KLRG2: variants seen among roughly 807,000 people sequenced by gnomAD.
KLRG2 encodes the protein killer cell lectin like receptor G2, also known as killer cell lectin-like receptor subfamily G member 2.
A neutral mutation model predicts 35.4 loss-of-function variants in KLRG2; 39 were observed. The ratio of observed to expected loss-of-function variants is 1.10; its 90% CI spans 0.85 to 1.44. The LOEUF (loss-of-function observed/expected upper bound fraction) is 1.44, where lower values mean the gene tolerates loss of function less well. Among genes scored for constraint, KLRG2 ranks in the 40% most tolerant of loss-of-function variants. The pLI, the probability that KLRG2 is intolerant of heterozygous loss-of-function variation, is 0.00. For synonymous variants in KLRG2, 283 were observed against 265.8 expected, an observed-to-expected ratio of 1.06 and a Z score of -0.63; for missense variants, 632 against 570.9, an observed-to-expected ratio of 1.11 and a Z score of -1.09.
At chr7:139,454,070 C>A in intron 4 of KLRG2, 41 bp downstream of exon 4, 1 of 1,170,078 alleles carries the variant, frequency 8.5e-7, no homozygotes, top group African/African-American at 1.6e-5. Context: ...AATGGAGGAT[C>A]CAGAACAGCA....
chr7:139,450,424 C>T (rs530849232), downstream of KLRG2, among the ~76,000 whole-genome samples: 18 of 152,128 alleles, frequency 1.2e-4, no homozygotes, highest in Admixed American at 6.6e-4. Flanking sequence ...GGGGTTTCAC[C>T]GTGTTAGCCA....
At chr7:139,475,760 C>T (rs905982403) in intron 3 of KLRG2, among the ~76,000 whole-genome samples, 4 of 152,170 alleles carry the variant, frequency 2.6e-5, no homozygotes, top group East Asian at 3.9e-4. Flanking sequence ...AAAGAGGGAA[C>T]GTGGGAGTCC....
intron 3 of KLRG2, among the ~76,000 whole-genome samples, chr7:139,472,412 G>T: frequency 6.6e-6 from 1 of 151,814 alleles, no homozygotes; most frequent in South Asian, 2.1e-4. Context: ...AATAAAAATA[G>T]AATTTTTTAA....
Position 139,467,025 on chromosome 7 carries a change from T to C in KLRG2, c.1005+12602A>G, listed in dbSNP as rs141145090. On this transcript the variant is annotated intron_variant, in intron 3 of 4. Coordinates refer to ENST00000340940, the MANE Select transcript of KLRG2 (RefSeq NM_198508.4). ...GTCTTCTGTTTAGTCTCTCAACTCA[T>C]ACAAAACTGCATCCAGGCCATCACC... 8.6e-3 allele frequency among the ~76,000 whole-genome samples: 1,302 copies of C among 152,236 alleles called. 12 individuals carry two copies. Among genetic ancestry groups the C allele is most frequent in the Non-Finnish European group, 0.013 (851 of 68,024 alleles).
At chr7:139,449,913 G>A (rs1398039744), downstream of KLRG2, among the ~76,000 whole-genome samples, 2 of 151,274 alleles carry the variant, frequency 1.3e-5, no homozygotes, top group Non-Finnish European at 2.9e-5. Flanking sequence ...CTGTTAGCCA[G>A]GATGGTCTCG....
chr7:139,461,320 AGCCAG>A lies in KLRG2; in HGVS notation c.1006-7111_1006-7107del, dbSNP rs370979807. Among the ~76,000 whole-genome samples the A allele has an allele frequency of 2.7e-3, 409 of 152,278 alleles. 1 individual carries two copies. The highest frequency in any genetic ancestry group is 9.1e-3 in the African/African-American group (379 of 41,560). ...CAGCAGTGTTGGGGTGGGGCTTCTGAGCCAGGCCTTTGGTGCAAATATCTTCTCTG... is the reference window on the plus strand; with the variant it reads ...CAGCAGTGTTGGGGTGGGGCTTCTGAGCCTTTGGTGCAAATATCTTCTCTG... On this transcript the variant is annotated intron_variant, in intron 3 of 4. Transcript: ENST00000340940.
chr7:139,476,043 C>A (rs545705689), intron 3 of KLRG2, among the ~76,000 whole-genome samples: 1 of 151,956 alleles, frequency 6.6e-6, no homozygotes, highest in African/African-American at 2.4e-5. Flanking sequence ...AGTGTTTTTC[C>A]TACACACCAG....
chr7:139,468,892 C>G (rs1796711035), intron 3 of KLRG2, among the ~76,000 whole-genome samples: 1 of 152,130 alleles, frequency 6.6e-6, no homozygotes, highest in Non-Finnish European at 1.5e-5. Flanking sequence ...GGCCCCTAAT[C>G]CAATGTGACT....
rs1796923237 is a variant in KLRG2 at position 139,479,781 on chromosome 7, A to G, written c.860-9T>C. The G allele has an allele frequency of 6.2e-7, 1 of 1,612,518 alleles. No homozygotes were observed. The highest frequency in any genetic ancestry group is 2.2e-5 in the East Asian group (1 of 44,866). ...CTGCTGGCATCTGGCTCCTGCAAGCACAGAGACTGCTGGTGAGCTGCAGGG... is the reference window on the plus strand; with the variant it reads ...CTGCTGGCATCTGGCTCCTGCAAGCGCAGAGACTGCTGGTGAGCTGCAGGG... On this transcript the variant is annotated splice_polypyrimidine_tract_variant and intron_variant, in intron 2 of 4. Transcript: ENST00000340940.
intron 3 of KLRG2, among the ~76,000 whole-genome samples, chr7:139,471,388 G>A (rs1796752668): frequency 6.6e-6 from 1 of 152,156 alleles, no homozygotes; most frequent in Non-Finnish European, 1.5e-5. Context: ...TCGGCTGGGA[G>A]TGGTGGTTCA....
chr7:139,451,218 G>C (rs1385871436), downstream of KLRG2, among the ~76,000 whole-genome samples: 6 of 152,210 alleles, frequency 3.9e-5, no homozygotes, highest in Non-Finnish European at 5.9e-5. Context: ...TTATAAAGCA[G>C]GCCGTGCACC....
At chr7:139,482,342 G>T (rs1382612440) in intron 1 of KLRG2, among the ~76,000 whole-genome samples, 1 of 152,112 alleles carries the variant, frequency 6.6e-6, no homozygotes, top group Non-Finnish European at 1.5e-5. Context: ...TGCTAAGAGG[G>T]AATTTGAAAG....
chr7:139,480,572 A>C (rs1351600297), intron 1 of KLRG2, among the ~76,000 whole-genome samples: 2 of 146,762 alleles, frequency 1.4e-5, no homozygotes, highest in Non-Finnish European at 3.0e-5. Flanking sequence ...CAACCTCCTG[A>C]GTAGCTGGGG....
chr7:139,454,973 T>A lies in KLRG2; in HGVS notation c.1006-759A>T, dbSNP rs192874483. On this transcript the variant is annotated intron_variant, in intron 3 of 4. Coordinates refer to ENST00000340940, the MANE Select transcript of KLRG2 (RefSeq NM_198508.4). ...TTTGCCCTCAATGTCACACTATTTT[T>A]AACAATGAATTAAAGCAAAAAAGAC... Among the ~76,000 whole-genome samples, 1,127 of 151,906 alleles carry A rather than the reference T, an allele frequency of 7.4e-3. 7 individuals are homozygous for A. The highest frequency in any genetic ancestry group is 0.012 in the Non-Finnish European group (808 of 67,942).
At chr7:139,445,797 G>A in the KLRG2 span, among the ~76,000 whole-genome samples, 8,847 of 92,128 alleles carry the variant, frequency 0.096, 1,805 homozygotes, top group African/African-American at 0.41. Flanking sequence ...ATATATGTGT[G>A]TATATATATA....
the KLRG2 span, among the ~76,000 whole-genome samples, chr7:139,444,868 C>A: frequency 1.3e-5 from 2 of 152,122 alleles, no homozygotes; most frequent in Non-Finnish European, 2.9e-5. Flanking sequence ...ATGCAGACAG[C>A]AGTAAAACCA....
the KLRG2 span, among the ~76,000 whole-genome samples, chr7:139,437,425 CAAAAAAAAAAAAA>C: frequency 1.4e-5 from 1 of 73,226 alleles, no homozygotes; most frequent in African/African-American, 4.1e-5. Context: ...ACTCCATCTC[CAAAAAAAAAAAAA>C]AAAAAAAAAA....
At chr7:139,477,208 A>T (rs968128954) in intron 3 of KLRG2, among the ~76,000 whole-genome samples, 2 of 152,186 alleles carry the variant, frequency 1.3e-5, no homozygotes, top group African/African-American at 4.8e-5. Flanking sequence ...ATGATCCAGC[A>T]ATTCTCACTT....
chr7:139,476,443 C>CT (rs10543223), intron 3 of KLRG2, among the ~76,000 whole-genome samples: 75 of 147,594 alleles, frequency 5.1e-4, no homozygotes, highest in East Asian at 2.0e-3. Flanking sequence ...GTGTCACTAT[C>CT]TTTTTTTTTT....
Sources: allele counts gnomAD v4.1 joint callset (sites outside exome capture counted in the v4.1 genomes callset), GRCh38; gene constraint gnomAD v4.1.1; transcripts MANE v1.5; gene names NCBI Gene and HGNC (gene_info 2026-07-23, HGNC 2026-07-21).